The following DDX46 variants were observed in gnomAD, a reference collection of about 807,000 sequenced individuals.
DDX46 encodes the protein probable ATP-dependent RNA helicase DDX46.
In DDX46, 30 loss-of-function variants were observed where a neutral mutation model predicts 134.9. That is an observed-to-expected ratio of 0.22 (90% CI 0.17 to 0.30). The LOEUF (loss-of-function observed/expected upper bound fraction) is 0.30. DDX46 is among the 10% of genes least tolerant of loss of function. The pLI, the probability that DDX46 is intolerant of heterozygous loss-of-function variation, is 1.00. For missense variants in DDX46, 622 were observed against 1,248.7 expected (o/e 0.50, Z 7.56); for synonymous variants, 415 against 404.1 (o/e 1.03, Z -0.32).
intron 15 of DDX46, among the ~76,000 whole-genome samples, chr5:134,796,671 G>A (rs1052543593): frequency 2.0e-5 from 3 of 151,972 alleles, no homozygotes; most frequent in Non-Finnish European, 4.4e-5. Flanking sequence ...TGGCCAACAT[G>A]GCGAAACTCC....
chr5:134,827,068 T>C (rs935297799), intron 22 of DDX46, 48 bp downstream of exon 22: 2 of 1,542,334 alleles, frequency 1.3e-6, no homozygotes, highest in Admixed American at 1.9e-5. Flanking sequence ...AATAAGTGTT[T>C]TATTGAAATA....
intron 12 of DDX46, among the ~76,000 whole-genome samples, chr5:134,789,604 T>C (rs1330725420): frequency 6.6e-6 from 1 of 152,046 alleles, no homozygotes; most frequent in Non-Finnish European, 1.5e-5. Context: ...TTTTTCTCAA[T>C]GCTGCATTGA....
chr5:134,800,910 A>G (rs1026534999), intron 15 of DDX46, among the ~76,000 whole-genome samples: 1 of 152,118 alleles, frequency 6.6e-6, no homozygotes, highest in Non-Finnish European at 1.5e-5. Context: ...TCCTGACCTC[A>G]GGTGATCCAC....
chr5:134,777,902 G>T, intron 6 of DDX46, 177 bp downstream of exon 6: 1 of 630,112 alleles, frequency 1.6e-6, no homozygotes, highest in South Asian at 3.0e-5. Context: ...TTAGCTATAA[G>T]TGTTCTTTCA....
At chr5:134,826,700 A>G (rs540176710) in intron 21 of DDX46, 15 of 365,378 alleles carry the variant, frequency 4.1e-5, no homozygotes, top group African/African-American at 2.3e-4. Context: ...TTTAATCACC[A>G]TACTAGGAAC....
chr5:134,770,778 C>T (rs1484059885), intron 3 of DDX46, 125 bp from the exon 4 acceptor site: 1 of 744,970 alleles, frequency 1.3e-6, no homozygotes, highest in Admixed American at 3.9e-5. Flanking sequence ...CACCATTTCA[C>T]TCCACTCCAG....
Position 134,785,457 on chromosome 5 carries a change from C to A in DDX46, c.1343-8C>A. 6.2e-7 allele frequency: 1 copy of A among 1,610,814 alleles called. No homozygotes were observed. The highest frequency in any genetic ancestry group is 8.5e-7 in the Non-Finnish European group (1 of 1,178,808). ...GTGGTTAGGCTACTGATGTATTTAT[C>A]TTTCCAGCTGTCATCATGACTCCAA... On this transcript the variant is annotated splice_region_variant and splice_polypyrimidine_tract_variant and intron_variant, in intron 10 of 22. Coordinates refer to ENST00000452510, the MANE Select transcript of DDX46 (RefSeq NM_001300860.2).
At chr5:134,791,822 AG>A (rs1321292238) in intron 13 of DDX46, among the ~76,000 whole-genome samples, 2 of 152,198 alleles carry the variant, frequency 1.3e-5, no homozygotes, top group Non-Finnish European at 2.9e-5. Flanking sequence ...ATGTAAATAG[AG>A]GAACACAGAG....
At chr5:134,788,707 A>G (rs372144858) in intron 12 of DDX46, 116 bp downstream of exon 12, 5 of 922,138 alleles carry the variant, frequency 5.4e-6, no homozygotes, top group Middle Eastern at 3.5e-4. Flanking sequence ...AAGCTGCAGT[A>G]TCTTAAAATT....
rs778254825 is a variant in DDX46 at position 134,784,516 on chromosome 5, A to G, written c.1317A>G (p.Ser439=). 3 of 1,608,862 alleles carry G rather than the reference A, an allele frequency of 1.9e-6. No homozygotes were observed. Among genetic ancestry groups the G allele is most frequent in the Non-Finnish European group, 2.5e-6 (3 of 1,178,524 alleles). ...PMFRHIMDQR[S]LEEGEGPIAV... ...TTAGACACATCATGGATCAGAGGTC[A>G]TTAGAGGAAGGAGAGGGGCCAATAG... is the stretch of plus-strand genomic sequence containing the variant. The change falls in exon 10 of 23, where the codon TCA becomes TCG. Residue 439 remains serine (S), a synonymous_variant. Coordinates refer to ENST00000452510, the MANE Select transcript of DDX46 (RefSeq NM_001300860.2).
At position 134,767,073 on chromosome 5, in the gene DDX46, T is replaced by C. The variant is rs756132133; in HGVS notation, c.350+13T>C. The C allele has an allele frequency of 1.2e-5, 19 of 1,609,386 alleles. No individual in the cohort carries two copies. Among genetic ancestry groups the C allele is most frequent in the East Asian group, 2.2e-5 (1 of 44,812 alleles). On this transcript the variant is annotated intron_variant, in intron 3 of 22. Transcript: ENST00000452510. ...AAACTGAGAATAGGTAATGTTATCATTGGGCTGCATCTATAGTGCAGACTG... is the reference window on the plus strand; with the variant it reads ...AAACTGAGAATAGGTAATGTTATCACTGGGCTGCATCTATAGTGCAGACTG...
At chr5:134,761,344 G>T (rs976894687) in intron 1 of DDX46, among the ~76,000 whole-genome samples, 2 of 152,060 alleles carry the variant, frequency 1.3e-5, no homozygotes, top group Admixed American at 1.3e-4. Flanking sequence ...TTTATTTATT[G>T]TATCGAATGA....
intron 17 of DDX46, 130 bp downstream of exon 17, chr5:134,811,488 G>T: frequency 7.8e-7 from 1 of 1,283,614 alleles, no homozygotes; most frequent in Non-Finnish European, 1.1e-6. Flanking sequence ...CTCTCTAGAG[G>T]GAAAAATGAG....
At chr5:134,775,387 A>C (rs548907162) in intron 5 of DDX46, among the ~76,000 whole-genome samples, 1 of 152,184 alleles carries the variant, frequency 6.6e-6, no homozygotes, top group Non-Finnish European at 1.5e-5. Context: ...TGAAAGTTCC[A>C]AAGAATGGTT....
chr5:134,781,187 G>A lies in DDX46; in HGVS notation c.820G>A (p.Val274Ile). ...CACTGTTGTGACAACCAAAAAAGCA[G>A]TTGTGGATTCTGATAAGAAGAAAGG... The part of the protein sequence containing the change: ...VVTVVTTKKA[V>I]VDSDKKKGEL... The change falls in exon 7 of 23, where the codon GTT (valine) becomes ATT (isoleucine). Residue 274 changes from valine (V) to isoleucine (I), a missense_variant. By Grantham distance (29) the Val-to-Ile change is conservative. This residue lies in a region of DDX46 where 244 missense variants were observed against 349.3 expected (regional missense o/e 0.70). Transcript: ENST00000452510. 1 of 1,604,076 alleles carries A rather than the reference G, an allele frequency of 6.2e-7. No individual in the cohort carries two copies. The highest frequency in any genetic ancestry group is 8.5e-7 in the Non-Finnish European group (1 of 1,177,906).
At chr5:134,776,141 C>T (rs1753928402) in intron 5 of DDX46, among the ~76,000 whole-genome samples, 1 of 152,114 alleles carries the variant, frequency 6.6e-6, no homozygotes, top group African/African-American at 2.4e-5. Context: ...CCTGTAATCC[C>T]AGCGCTTTGG....
At chr5:134,768,559 A>G (rs993101368) in intron 3 of DDX46, among the ~76,000 whole-genome samples, 4 of 151,950 alleles carry the variant, frequency 2.6e-5, no homozygotes, top group Admixed American at 2.6e-4. Context: ...GCCAGAGAGT[A>G]TCTTCTTCTT....
At chr5:134,798,875 G>T (rs1363278300) in intron 15 of DDX46, among the ~76,000 whole-genome samples, 1 of 152,156 alleles carries the variant, frequency 6.6e-6, no homozygotes, top group African/African-American at 2.4e-5. Flanking sequence ...CGTGTCCATA[G>T]ACTGCAGATT....
At chr5:134,768,703 G>GT (rs1342086438) in intron 3 of DDX46, among the ~76,000 whole-genome samples, 1 of 152,060 alleles carries the variant, frequency 6.6e-6, no homozygotes, top group Non-Finnish European at 1.5e-5. Flanking sequence ...ATGAGATGCC[G>GT]TAAGTTGGGG....
Sources: gnomAD v4.1 joint callset for allele counts (sites outside exome capture counted in the v4.1 genomes callset) on GRCh38, gnomAD v4.1.1 for gene constraint, gnomAD v4.1.1 regional missense constraint, MANE v1.5 for transcripts, NCBI Gene and HGNC (gene_info 2026-07-23, HGNC 2026-07-21) for gene names.